The following ATG14 variants were observed in gnomAD, a reference collection of about 807,000 sequenced individuals.
ATG14 encodes the protein autophagy related 14.
In ATG14, 35 loss-of-function variants were observed where a neutral mutation model predicts 60.4. That is an observed-to-expected ratio of 0.58 (90% CI 0.44 to 0.77). The LOEUF is 0.77. Ranked by LOEUF, ATG14 falls within the 30% of genes least tolerant of loss-of-function variation. The pLI, the probability that ATG14 is intolerant of heterozygous loss-of-function variation, is 0.00. For missense variants in ATG14, 647 were observed against 626.3 expected, an observed-to-expected ratio of 1.03 and a Z score of -0.35; for synonymous variants, 234 against 228.8, an observed-to-expected ratio of 1.02 and a Z score of -0.21.
chr14:55,381,928 A>C lies in ATG14; in HGVS notation c.877+34T>G, dbSNP rs189444741. On this transcript the variant is annotated intron_variant, in intron 6 of 9. Transcript: ENST00000247178. ...GTCAATTTTACCTATAACTCTCTCT[A>C]TATATAGATTTCAAAGGATATGCTG... The C allele has an allele frequency of 4.2e-5, 66 of 1,556,500 alleles. No individual in the cohort carries two copies. In the Admixed American group the frequency reaches 6.4e-4, roughly 15 times the overall value.
intron 3 of ATG14, among the ~76,000 whole-genome samples, chr14:55,395,440 C>A (rs893308709): frequency 1.3e-5 from 2 of 152,234 alleles, no homozygotes; most frequent in African/African-American, 4.8e-5. Context: ...ATAGCCTCTG[C>A]CTCCCGGGTT....
Position 55,369,739 on chromosome 14 carries a change from G to C in ATG14, c.1359C>G (p.Val453=). The C allele has an allele frequency of 6.2e-7, 1 of 1,614,000 alleles. No homozygotes were observed. The highest frequency in any genetic ancestry group is 1.6e-4 in the Middle Eastern group (1 of 6,062). The change falls in exon 10 of 10, where the codon GTC becomes GTG. Residue 453 remains valine, a synonymous_variant. Coordinates refer to ENST00000247178, the MANE Select transcript of ATG14 (RefSeq NM_014924.5). ...FCDIPSQSVE[V]SQSQSTQASP... ...ACGCCTGGGTGCTCTGACTCTGGGA[G>C]ACTTCCACAGACTGGGAAGGGATAT...
Position 55,404,812 on chromosome 14 carries a change from T to C in ATG14, c.221+6790A>G, listed in dbSNP as rs567947610. Among the ~76,000 whole-genome samples the C allele has an allele frequency of 2.6e-5, 4 of 152,302 alleles. No homozygotes were observed. The East Asian group carries it at 5.8e-4, about 22-fold the overall frequency. ...CACACACATGCAGAGTATAAAAATA[T>C]AGTTCAGATCTAAATGTGAACTTAA... is the stretch of plus-strand genomic sequence containing the variant. On this transcript the variant is annotated intron_variant, in intron 1 of 9. Coordinates refer to ENST00000247178, the MANE Select transcript of ATG14 (RefSeq NM_014924.5).
At chr14:55,379,204 A>T (rs1053434883) in intron 7 of ATG14, among the ~76,000 whole-genome samples, 4 of 152,206 alleles carry the variant, frequency 2.6e-5, no homozygotes, top group Admixed American at 6.5e-5. Context: ...CATAACTAAA[A>T]ATTTTAAAAG....
chr14:55,389,702 T>C (rs894270810), intron 4 of ATG14, among the ~76,000 whole-genome samples: 6 of 152,252 alleles, frequency 3.9e-5, no homozygotes, highest in Non-Finnish European at 8.8e-5. Flanking sequence ...TAAATCTGAT[T>C]TTCAATGTGA....
At chr14:55,384,057 G>A (rs1326894237) in intron 5 of ATG14, among the ~76,000 whole-genome samples, 2 of 152,206 alleles carry the variant, frequency 1.3e-5, no homozygotes, top group Non-Finnish European at 2.9e-5. Flanking sequence ...AGATAAGACT[G>A]TGGCCAGTTC....
intron 3 of ATG14, among the ~76,000 whole-genome samples, chr14:55,391,505 C>T (rs1885217809): frequency 6.8e-6 from 1 of 146,300 alleles, no homozygotes; most frequent in South Asian, 2.2e-4. Context: ...AGGGAAATTA[C>T]GAGAAAGAAA....
intron 4 of ATG14, among the ~76,000 whole-genome samples, chr14:55,386,882 A>T (rs773526976): frequency 5.9e-5 from 9 of 152,200 alleles, no homozygotes; most frequent in Admixed American, 1.3e-4. Context: ...TTGCTTAGGC[A>T]ACTTAAACCC....
intron 1 of ATG14, among the ~76,000 whole-genome samples, chr14:55,409,805 C>T (rs1298554583): frequency 1.3e-5 from 2 of 152,136 alleles, no homozygotes; most frequent in African/African-American, 2.4e-5. Context: ...AGTGAAAAAC[C>T]ACTGGAAGAT....
chr14:55,394,556 T>A (rs1435053121), intron 3 of ATG14, among the ~76,000 whole-genome samples: 1 of 152,166 alleles, frequency 6.6e-6, no homozygotes, highest in Non-Finnish European at 1.5e-5. Flanking sequence ...CACAACTGAA[T>A]AGCATGTACA....
At chr14:55,385,604 C>G (rs1183267805) in intron 5 of ATG14, among the ~76,000 whole-genome samples, 3 of 152,104 alleles carry the variant, frequency 2.0e-5, no homozygotes, top group Non-Finnish European at 4.4e-5. Context: ...TCAGATGGTT[C>G]TTAATCAGGA....
At chr14:55,376,609 A>G (rs116793982) in intron 9 of ATG14, among the ~76,000 whole-genome samples, 155 of 152,326 alleles carry the variant, frequency 1.0e-3, no homozygotes, top group African/African-American at 3.6e-3. Flanking sequence ...GCAGATTATC[A>G]CTGAAAGTTA....
chr14:55,404,917 A>C (rs1405047332), intron 1 of ATG14, among the ~76,000 whole-genome samples: 2 of 152,170 alleles, frequency 1.3e-5, no homozygotes. Flanking sequence ...TTAATAACTC[A>C]TGGGGTGAGG....
At chr14:55,391,225 C>T in intron 3 of ATG14, 1 of 341,928 alleles carries the variant, frequency 2.9e-6, no homozygotes, top group Non-Finnish European at 5.3e-6. Flanking sequence ...CCTGTAATCG[C>T]AGCACTTTGG....
intron 7 of ATG14, 57 bp from the exon 8 acceptor site, chr14:55,378,131 A>G: frequency 1.4e-6 from 2 of 1,477,314 alleles, no homozygotes. Flanking sequence ...TTCTATGTTA[A>G]AATTTCCATT....
chr14:55,404,390 C>T (rs1039983693), intron 1 of ATG14, among the ~76,000 whole-genome samples: 1 of 152,222 alleles, frequency 6.6e-6, no homozygotes, highest in Non-Finnish European at 1.5e-5. Context: ...ACACTGCCCT[C>T]TGGGATGTGC....
At position 55,385,897 on chromosome 14, in the gene ATG14, A is replaced by T. The variant is rs756875730; in HGVS notation, c.609T>A (p.Ser203=). 2.8e-5 allele frequency: 45 copies of T among 1,613,116 alleles called. No individual in the cohort carries two copies. The highest frequency in any genetic ancestry group is 2.2e-4 in the South Asian group (20 of 90,934). ...LRRSHILELT[S]VIFPIEEVKT... is the part of the protein sequence containing the mutation. ...TTACTTCCTCGATTGGAAAAATGAC[A>T]GAGGTGAGCTCTAATATATGGGATC... The change falls in exon 5 of 10, where the codon TCT becomes TCA. Residue 203 remains serine, a synonymous_variant. Coordinates refer to ENST00000247178, the MANE Select transcript of ATG14 (RefSeq NM_014924.5).
chr14:55,398,198 G>A (rs1175997271), intron 1 of ATG14, among the ~76,000 whole-genome samples: 3 of 152,098 alleles, frequency 2.0e-5, no homozygotes, highest in East Asian at 1.9e-4. Context: ...TGGTCTGCCC[G>A]CCTCTGCCTC....
chr14:55,375,224 T>C (rs1284447571), intron 9 of ATG14, among the ~76,000 whole-genome samples: 1 of 152,264 alleles, frequency 6.6e-6, no homozygotes, highest in Non-Finnish European at 1.5e-5. Context: ...ATCACTGCTA[T>C]GGAATTTATA....
Sources: allele counts gnomAD v4.1 joint callset (sites outside exome capture counted in the v4.1 genomes callset), GRCh38; gene constraint gnomAD v4.1.1; transcripts MANE v1.5; gene names NCBI Gene and HGNC (gene_info 2026-07-23, HGNC 2026-07-21).